Variants in CSMD1 observed in about 807,000 individuals in gnomAD.
The protein encoded by CSMD1 is CUB and Sushi multiple domains 1, also known as CUB and sushi domain-containing protein 1.
In CSMD1, 213 loss-of-function variants were observed where a neutral mutation model predicts 417.5. The observed-to-expected ratio is 0.51, with a 90% CI of 0.46 to 0.57. CSMD1 has a LOEUF of 0.57. CSMD1 is among the 20% of genes least tolerant of loss of function. The pLI, the probability that CSMD1 is intolerant of heterozygous loss-of-function variation, is 0.00. For missense variants in CSMD1, 6,923 were observed against 4,529.7 expected, an observed-to-expected ratio of 1.53 and a Z score of -15.17; for synonymous variants, 2,862 against 1,736.8, an observed-to-expected ratio of 1.65 and a Z score of -16.11.
At chr8:3,072,626 C>A (rs2128999099) in intron 49 of CSMD1, among the ~76,000 whole-genome samples, 1 of 152,272 alleles carries the variant, frequency 6.6e-6, no homozygotes, top group East Asian at 1.9e-4. Context: ...TCAGATGTTT[C>A]ATTTGTGGGC....
chr8:3,761,355 A>T (rs1162567118), intron 5 of CSMD1, among the ~76,000 whole-genome samples: 3 of 152,166 alleles, frequency 2.0e-5, no homozygotes, highest in Non-Finnish European at 4.4e-5. Flanking sequence ...TAGAAATTTA[A>T]TTCAAAAGTT....
chr8:4,293,729 G>A (rs1338982515), intron 3 of CSMD1, among the ~76,000 whole-genome samples: 2 of 152,130 alleles, frequency 1.3e-5, no homozygotes, highest in Non-Finnish European at 2.9e-5. Flanking sequence ...AGATGCTTTA[G>A]ACATATTAAA....
At chr8:2,955,482 C>T (rs1802932444) in intron 64 of CSMD1, 107 bp downstream of exon 64, 2 of 1,078,256 alleles carry the variant, frequency 1.9e-6, no homozygotes, top group South Asian at 1.6e-5. Context: ...ATGCTGCAGC[C>T]TCATGCTCTT....
chr8:3,001,128 T>C (rs575104532), intron 52 of CSMD1, among the ~76,000 whole-genome samples: 1 of 152,194 alleles, frequency 6.6e-6, no homozygotes, highest in African/African-American at 2.4e-5. Context: ...TACGCCACCA[T>C]GGTACATGCT....
chr8:4,434,747 G>A (rs1161627142), intron 2 of CSMD1, among the ~76,000 whole-genome samples: 1 of 152,116 alleles, frequency 6.6e-6, no homozygotes, highest in Non-Finnish European at 1.5e-5. Context: ...TTGGGACTTA[G>A]CTCTTAGACT....
chr8:3,516,047 G>T (rs1478010586), intron 10 of CSMD1, among the ~76,000 whole-genome samples: 4 of 152,150 alleles, frequency 2.6e-5, no homozygotes, highest in African/African-American at 9.7e-5. Flanking sequence ...GATCCTATTA[G>T]AACTCCCTAC....
intron 6 of CSMD1, among the ~76,000 whole-genome samples, chr8:3,733,316 A>G (rs1170585599): frequency 6.8e-6 from 1 of 147,470 alleles, no homozygotes; most frequent in Non-Finnish European, 1.5e-5. Context: ...ACACATACAT[A>G]TATGTACAAA....
chr8:4,025,814 G>A (rs922093785), intron 4 of CSMD1, among the ~76,000 whole-genome samples: 2 of 152,090 alleles, frequency 1.3e-5, no homozygotes, highest in East Asian at 1.9e-4. Flanking sequence ...CTCTGATTTA[G>A]TTCTGTTAAT....
chr8:3,991,171 A>G (rs1814717579), intron 5 of CSMD1, among the ~76,000 whole-genome samples: 1 of 152,202 alleles, frequency 6.6e-6, no homozygotes. Context: ...AGGGTGCCTA[A>G]TCCACCCAGG....
At chr8:4,961,353 C>G (rs1006616077) in intron 1 of CSMD1, among the ~76,000 whole-genome samples, 8 of 152,238 alleles carry the variant, frequency 5.3e-5, no homozygotes, top group Admixed American at 5.2e-4. Context: ...ATTCTTTCAA[C>G]CTGACCTGAT....
At chr8:3,706,223 T>C (rs1801161267) in intron 7 of CSMD1, among the ~76,000 whole-genome samples, 1 of 152,244 alleles carries the variant, frequency 6.6e-6, no homozygotes, top group Non-Finnish European at 1.5e-5. Flanking sequence ...TCTTGATTTA[T>C]CGGAGTGACA....
chr8:4,791,720 C>G (rs1033881171), intron 1 of CSMD1, among the ~76,000 whole-genome samples: 1 of 152,130 alleles, frequency 6.6e-6, no homozygotes, highest in Non-Finnish European at 1.5e-5. Flanking sequence ...GCCAATAGTT[C>G]AAGTATTTTC....
intron 1 of CSMD1, among the ~76,000 whole-genome samples, chr8:4,840,838 C>G (rs1800799589): frequency 6.6e-6 from 1 of 152,206 alleles, no homozygotes; most frequent in South Asian, 2.1e-4. Context: ...CATGAGTAAT[C>G]ATTACCACTA....
chr8:3,348,465 C>A (rs1233228534), intron 21 of CSMD1, among the ~76,000 whole-genome samples: 1 of 152,188 alleles, frequency 6.6e-6, no homozygotes, highest in African/African-American at 2.4e-5. Flanking sequence ...CACCATGGCT[C>A]ACTGGCTGTG....
intron 5 of CSMD1, among the ~76,000 whole-genome samples, chr8:3,803,146 C>G (rs763170421): frequency 6.6e-5 from 10 of 152,164 alleles, no homozygotes; most frequent in Non-Finnish European, 1.2e-4. Flanking sequence ...ATTCTAAGTA[C>G]TCATGTTCTA....
At chr8:4,607,597 T>C (rs1286636327) in intron 2 of CSMD1, among the ~76,000 whole-genome samples, 1 of 152,170 alleles carries the variant, frequency 6.6e-6, no homozygotes, top group Non-Finnish European at 1.5e-5. Flanking sequence ...AAACTCCATG[T>C]CCGCCAACAT....
intron 9 of CSMD1, among the ~76,000 whole-genome samples, chr8:3,583,966 G>T (rs1185231560): frequency 6.6e-6 from 1 of 151,682 alleles, no homozygotes; most frequent in African/African-American, 2.4e-5. Flanking sequence ...TCAAAAATAT[G>T]TGAGAGCATG....
chr8:3,654,908 C>T (rs529909888), intron 7 of CSMD1, among the ~76,000 whole-genome samples: 1 of 152,310 alleles, frequency 6.6e-6, no homozygotes, highest in African/African-American at 2.4e-5. Flanking sequence ...GGGCTCCACA[C>T]AGTTGAGCCA....
intron 3 of CSMD1, among the ~76,000 whole-genome samples, chr8:4,382,653 C>T (rs1182465549): frequency 1.3e-5 from 2 of 152,170 alleles, no homozygotes; most frequent in East Asian, 1.9e-4. Context: ...GAAAACAAGT[C>T]TTCACATCAG....
Sources: allele counts gnomAD v4.1 joint callset (sites outside exome capture counted in the v4.1 genomes callset), GRCh38; gene constraint gnomAD v4.1.1; transcripts MANE v1.5; gene names NCBI Gene and HGNC (gene_info 2026-07-23, HGNC 2026-07-21).